The following PDE4D variants were observed in gnomAD, a reference collection of about 807,000 sequenced individuals.
PDE4D encodes 3',5'-cyclic-AMP phosphodiesterase 4D.
PDE4D carries 24 observed loss-of-function variants against 87.4 expected under a neutral mutation model. That is an observed-to-expected ratio of 0.27 (90% confidence interval 0.20 to 0.39). The LOEUF (loss-of-function observed/expected upper bound fraction) is 0.39. Among genes scored for constraint, PDE4D ranks in the 10% least tolerant of loss-of-function variants. The pLI is 1.00. For synonymous variants in PDE4D, 384 were observed against 383.2 expected, an observed-to-expected ratio of 1.00 and a Z score of -0.02; for missense variants, 714 against 1,041.0, an observed-to-expected ratio of 0.69 and a Z score of 4.32.
chr5:59,044,334 T>A (rs556030897), intron 5 of PDE4D, among the ~76,000 whole-genome samples: 59 of 152,344 alleles, frequency 3.9e-4, no homozygotes, highest in African/African-American at 1.4e-3. Context: ...CCAGATTTTT[T>A]AAAAATAAAA....
chr5:59,410,267 T>C (rs1169205943), intron 1 of PDE4D, among the ~76,000 whole-genome samples: 1 of 152,182 alleles, frequency 6.6e-6, no homozygotes, highest in Non-Finnish European at 1.5e-5. Flanking sequence ...TTTTGTTTTT[T>C]TCTTGAGACA....
At chr5:59,639,811 TAGTGTGTGTG>T (rs1033960300) in intron 1 of PDE4D, among the ~76,000 whole-genome samples, 9 of 115,162 alleles carry the variant, frequency 7.8e-5, no homozygotes, top group South Asian at 2.8e-4. Flanking sequence ...ATAGTGTCTA[TAGTGTGTGTG>T]TGTGTGTGTG....
At chr5:60,139,673 T>C (rs1780356681) in intron 2 of PDE4D, among the ~76,000 whole-genome samples, 4 of 152,020 alleles carry the variant, frequency 2.6e-5, no homozygotes, top group Admixed American at 2.0e-4. Flanking sequence ...GTTGGAAACA[T>C]ATATAGTATC....
Position 59,451,754 on chromosome 5 carries a change from A to C in PDE4D, c.456-235786T>G, listed in dbSNP as rs143819497. 4.3e-3 allele frequency among the ~76,000 whole-genome samples: 649 copies of C among 152,196 alleles called. 7 individuals are homozygous for C. The highest frequency in any genetic ancestry group is 5.7e-3 in the Non-Finnish European group (387 of 68,014). On this transcript the variant is annotated intron_variant, in intron 1 of 14. Transcript: ENST00000340635. ...CACCGCTGTCTGTAATAATCTTCTA[A>C]ATGGTTCCCTGCTTGCATCCCAAGT...
At chr5:59,867,434 T>G (rs959735000) in intron 1 of PDE4D, among the ~76,000 whole-genome samples, 7 of 152,284 alleles carry the variant, frequency 4.6e-5, no homozygotes, top group Admixed American at 3.3e-4. Context: ...TATTAAAATT[T>G]TATAATGCAA....
At chr5:60,372,853 G>C (rs1241346752) in intron 1 of PDE4D, 1 of 152,168 alleles carries the variant, frequency 6.6e-6, no homozygotes, top group African/African-American at 2.4e-5. Context: ...TAGATATTTT[G>C]TGCTTAGTAA....
intron 1 of PDE4D, among the ~76,000 whole-genome samples, chr5:59,646,171 A>G (rs909973913): frequency 4.6e-5 from 7 of 152,196 alleles, no homozygotes; most frequent in Admixed American, 6.5e-5. Flanking sequence ...TAAATATTCA[A>G]TCTCCACATT....
intron 5 of PDE4D, among the ~76,000 whole-genome samples, chr5:59,068,140 A>G (rs898131856): frequency 6.6e-6 from 1 of 152,196 alleles, no homozygotes; most frequent in South Asian, 2.1e-4. Context: ...TGACATCTGC[A>G]CAGCTGACTA....
Position 58,975,271 on chromosome 5 carries a change from T to G in PDE4D, c.2014-191A>C, listed in dbSNP as rs941090757. Among the ~76,000 whole-genome samples, 1 of 151,984 alleles carries G rather than the reference T, an allele frequency of 6.6e-6. No individual in the cohort carries two copies. Among genetic ancestry groups the G allele is most frequent in the African/African-American group, 2.4e-5 (1 of 41,382 alleles). On this transcript the variant is annotated intron_variant, in intron 14 of 14. Coordinates refer to ENST00000340635, the MANE Select transcript of PDE4D (RefSeq NM_001104631.2). The surrounding 1 kb of genome is among the most constrained non-coding windows in gnomAD (Gnocchi z 4.2). ...AGTATTGCTACTAGCTGGTCAAAAT[T>G]AGCTTCTAGAACCTTTGGTTAAAGA... is the stretch of plus-strand genomic sequence containing the variant.
chr5:59,264,161 G>T (rs1762470550), intron 1 of PDE4D, among the ~76,000 whole-genome samples: 1 of 151,940 alleles, frequency 6.6e-6, no homozygotes. Context: ...ATGGCAAGCA[G>T]CCACACTATG....
intron 1 of PDE4D, among the ~76,000 whole-genome samples, chr5:60,453,946 G>A (rs148300987): frequency 7.6e-4 from 115 of 152,156 alleles, no homozygotes; most frequent in African/African-American, 2.7e-3. Flanking sequence ...AACTTATGAT[G>A]GCTTATTTAT....
chr5:60,213,901 A>C (rs1743545803), intron 1 of PDE4D, among the ~76,000 whole-genome samples: 1 of 152,214 alleles, frequency 6.6e-6, no homozygotes, highest in African/African-American at 2.4e-5. Context: ...TTTTAGAATA[A>C]TCATCTTAAT....
At chr5:59,444,916 T>G (rs1798138812) in intron 1 of PDE4D, among the ~76,000 whole-genome samples, 1 of 152,210 alleles carries the variant, frequency 6.6e-6, no homozygotes, top group African/African-American at 2.4e-5. Flanking sequence ...ACAATCCCCA[T>G]TCAAGTTCTG....
At chr5:60,449,519 G>A (rs1214473763) in intron 1 of PDE4D, among the ~76,000 whole-genome samples, 3 of 148,874 alleles carry the variant, frequency 2.0e-5, no homozygotes, top group Non-Finnish European at 4.5e-5. Context: ...GGGAGGGATA[G>A]CACTGGGAGA....
chr5:59,053,362 TACACAC>T (rs57805618), intron 5 of PDE4D, among the ~76,000 whole-genome samples: 7,969 of 142,038 alleles, frequency 0.056, 460 homozygotes, highest in African/African-American at 0.15. Context: ...TGGGTGTACA[TACACAC>T]ACACACACAC....
intron 1 of PDE4D, among the ~76,000 whole-genome samples, chr5:60,345,992 C>A (rs1039673037): frequency 1.4e-4 from 21 of 151,226 alleles, no homozygotes; most frequent in African/African-American, 2.7e-4. Context: ...ATAAAAAAAA[C>A]CAAAGCTTAT....
At chr5:59,269,095 G>A (rs187709800) in intron 1 of PDE4D, among the ~76,000 whole-genome samples, 21 of 151,664 alleles carry the variant, frequency 1.4e-4, no homozygotes, top group Non-Finnish European at 1.5e-4. Context: ...CCTCAGATCC[G>A]TGGGGAAGAA....
intron 1 of PDE4D, among the ~76,000 whole-genome samples, chr5:59,874,228 T>C (rs1748226879): frequency 6.6e-6 from 1 of 152,166 alleles, no homozygotes; most frequent in Middle Eastern, 3.2e-3. Context: ...GATTTAGAGT[T>C]GGTGAGTCCA....
intron 2 of PDE4D, among the ~76,000 whole-genome samples, chr5:60,146,492 T>C (rs1300235635): frequency 6.6e-6 from 1 of 152,164 alleles, no homozygotes; most frequent in Non-Finnish European, 1.5e-5. Context: ...GCAAAGAATG[T>C]CCTCATTGAC....
Sources: allele counts gnomAD v4.1 joint callset (sites outside exome capture counted in the v4.1 genomes callset), GRCh38; gene constraint gnomAD v4.1.1; non-coding constraint Gnocchi (gnomAD v3.1); transcripts MANE v1.5; gene names NCBI Gene and HGNC (gene_info 2026-07-23, HGNC 2026-07-21).